The following PNPLA1 variants were observed in gnomAD, a reference collection of about 807,000 sequenced individuals.
PNPLA1 encodes omega-hydroxyceramide transacylase.
In PNPLA1, 36 loss-of-function variants were observed where a neutral mutation model predicts 51.7. The ratio of observed to expected loss-of-function variants is 0.70; its 90% CI spans 0.53 to 0.92. The LOEUF is 0.92. Ranked by LOEUF, PNPLA1 falls within the 40% of genes least tolerant of loss-of-function variation. The pLI is 0.00. For missense variants in PNPLA1, 658 were observed against 682.5 expected, an observed-to-expected ratio of 0.96 and a Z score of 0.40; for synonymous variants, 293 against 280.1, an observed-to-expected ratio of 1.05 and a Z score of -0.46.
At chr6:36,287,026 A>G (rs1349369024) in intron 1 of PNPLA1, among the ~76,000 whole-genome samples, 1 of 152,140 alleles carries the variant, frequency 6.6e-6, no homozygotes, top group Non-Finnish European at 1.5e-5. Context: ...TTGGCACATT[A>G]GACTCATAAA....
chr6:36,288,358 A>G (rs924488874), intron 1 of PNPLA1, among the ~76,000 whole-genome samples: 1 of 152,076 alleles, frequency 6.6e-6, no homozygotes, highest in Admixed American at 6.5e-5. Flanking sequence ...TCATGCCTGT[A>G]ATCCCAGCAC....
chr6:36,292,652 T>A (rs1770724370), intron 2 of PNPLA1, among the ~76,000 whole-genome samples: 1 of 151,994 alleles, frequency 6.6e-6, no homozygotes, highest in African/African-American at 2.4e-5. Flanking sequence ...GTCACCCCAC[T>A]GCACCGTCAC....
chr6:36,285,564 T>C (rs1162143104), intron 1 of PNPLA1, among the ~76,000 whole-genome samples: 1 of 152,218 alleles, frequency 6.6e-6, no homozygotes, highest in African/African-American at 2.4e-5. Context: ...CTCTGGGTCA[T>C]CTTGAATAGC....
At chr6:36,290,013 G>C (rs1416552754) in intron 1 of PNPLA1, among the ~76,000 whole-genome samples, 1 of 152,126 alleles carries the variant, frequency 6.6e-6, no homozygotes, top group East Asian at 1.9e-4. Context: ...GTGCCTGTGA[G>C]AATCCCAGAA....
intron 1 of PNPLA1, among the ~76,000 whole-genome samples, chr6:36,272,100 T>G (rs1769935150): frequency 1.3e-5 from 2 of 152,204 alleles, no homozygotes; most frequent in Non-Finnish European, 2.9e-5. Context: ...TTACATTTGT[T>G]GTGCACTTTA....
At chr6:36,301,836 C>T (rs1038214508) in intron 5 of PNPLA1, 25 bp from the exon 6 acceptor site, 60 of 1,599,710 alleles carry the variant, frequency 3.8e-5, no homozygotes, top group Non-Finnish European at 4.7e-5. Context: ...GGCTGAGTAA[C>T]ACCCCATGCT....
intron 2 of PNPLA1, among the ~76,000 whole-genome samples, chr6:36,292,519 A>G (rs563974981): frequency 6.6e-6 from 1 of 151,654 alleles, no homozygotes; most frequent in East Asian, 1.9e-4. Flanking sequence ...TCCTTCCCAC[A>G]CTGCTTTGCC....
chr6:36,290,309 G>A (rs1198734941), intron 1 of PNPLA1, among the ~76,000 whole-genome samples: 4 of 152,204 alleles, frequency 2.6e-5, no homozygotes, highest in Non-Finnish European at 4.4e-5. Flanking sequence ...GCTTGCACAG[G>A]GTAGAGATGA....
intron 1 of PNPLA1, among the ~76,000 whole-genome samples, chr6:36,275,224 G>A (rs1055316467): frequency 2.0e-5 from 3 of 152,022 alleles, no homozygotes; most frequent in African/African-American, 7.2e-5. Flanking sequence ...GACCACAGGT[G>A]CATGCCACCA....
intron 1 of PNPLA1, among the ~76,000 whole-genome samples, chr6:36,279,902 A>T (rs554053483): frequency 1.4e-4 from 21 of 152,340 alleles, no homozygotes; most frequent in African/African-American, 4.6e-4. Context: ...CCAGAGAACA[A>T]ATTAAACTTT....
At chr6:36,243,732 C>T (rs1045366292) in intron 1 of PNPLA1, among the ~76,000 whole-genome samples, 2 of 152,096 alleles carry the variant, frequency 1.3e-5, no homozygotes, top group Non-Finnish European at 2.9e-5. Context: ...ACTCACCTCC[C>T]CCAACTCTGC....
In PNPLA1 at chr6:36,312,843, T is replaced by C. The variant is rs540141895; in HGVS notation, c.*957T>C. On this transcript the variant is annotated 3_prime_UTR_variant, in exon 9 of 9. Coordinates refer to ENST00000636260, the MANE Select transcript of PNPLA1 (RefSeq NM_001374623.1). ...GCACTCATGGACCTTCCTCTCAACCTTGGCCTGAGCTTGCTTCTTTGAGAT... is the reference window on the plus strand; with the variant it reads ...GCACTCATGGACCTTCCTCTCAACCCTGGCCTGAGCTTGCTTCTTTGAGAT... Among the ~76,000 whole-genome samples the C allele has an allele frequency of 6.6e-6, 1 of 152,328 alleles. No individual in the cohort carries two copies. Among genetic ancestry groups the C allele is most frequent in the South Asian group, 2.1e-4 (1 of 4,822 alleles).
rs1771279374 is a variant in PNPLA1 at position 36,307,596 on chromosome 6, T to A, written c.1479T>A (p.Pro493=). ...TVSKPYVTES[P]AEDSNWVNKV... ...TAATCTCTTTGCCTAGGGAGAGCCC[T>A]GCTGAAGACTCAAACTGGGTGAATA... Residue 493 remains proline (P), a synonymous_variant, in exon 8 of 9, where the codon CCT becomes CCA. Transcript: ENST00000636260. The A allele has an allele frequency of 6.2e-7, 1 of 1,613,498 alleles. No individual in the cohort carries two copies. Among genetic ancestry groups the A allele is most frequent in the African/African-American group, 1.3e-5 (1 of 74,854 alleles).
chr6:36,285,528 G>A (rs144289585), intron 1 of PNPLA1, among the ~76,000 whole-genome samples: 4 of 152,270 alleles, frequency 2.6e-5, no homozygotes, highest in Non-Finnish European at 5.9e-5. Context: ...TGTGGAGTTG[G>A]GGAAGAGAAG....
chr6:36,295,226 G>T, intron 4 of PNPLA1, 138 bp from the exon 5 acceptor site: 2 of 802,390 alleles, frequency 2.5e-6, no homozygotes, highest in East Asian at 2.6e-5. Context: ...GTGAGGGATG[G>T]GACACTGGAT....
chr6:36,260,537 T>C (rs150151651), intron 1 of PNPLA1, among the ~76,000 whole-genome samples: 50 of 152,240 alleles, frequency 3.3e-4, no homozygotes, highest in African/African-American at 1.1e-3. Flanking sequence ...CAGGGACAGG[T>C]TTCCCTACTT....
intron 1 of PNPLA1, among the ~76,000 whole-genome samples, chr6:36,247,663 C>T (rs1386550475): frequency 1.3e-5 from 2 of 152,148 alleles, no homozygotes; most frequent in Admixed American, 1.3e-4. Flanking sequence ...TCCAAGGGGG[C>T]TAGAGGAGGG....
chr6:36,249,218 C>T (rs1033765573), intron 1 of PNPLA1, among the ~76,000 whole-genome samples: 4 of 152,186 alleles, frequency 2.6e-5, no homozygotes, highest in African/African-American at 9.7e-5. Context: ...TGGAAGTCAT[C>T]TCGGTACATC....
At chr6:36,310,537 T>C (rs908877970) in intron 8 of PNPLA1, among the ~76,000 whole-genome samples, 22 of 152,216 alleles carry the variant, frequency 1.4e-4, no homozygotes, top group African/African-American at 5.1e-4. Context: ...TTTGAGTTTC[T>C]ATGGAATTTC....
Sources: gnomAD v4.1 joint callset for allele counts (sites outside exome capture counted in the v4.1 genomes callset) on GRCh38, gnomAD v4.1.1 for gene constraint, MANE v1.5 for transcripts, NCBI Gene and HGNC (gene_info 2026-07-23, HGNC 2026-07-21) for gene names.